Variants in SPEG observed in about 807,000 individuals in gnomAD.
SPEG encodes striated muscle enriched protein kinase.
SPEG carries 114 observed loss-of-function variants against 300.4 expected under a neutral mutation model. The ratio of observed to expected loss-of-function variants is 0.38; its 90% confidence interval spans 0.33 to 0.44. SPEG has a LOEUF of 0.44. Ranked by LOEUF, SPEG falls within the 20% of genes least tolerant of loss-of-function variation. The pLI, the probability that SPEG is intolerant of heterozygous loss-of-function variation, is 1.00. For missense variants in SPEG, 4,201 were observed against 4,586.2 expected (o/e 0.92, Z 2.43); for synonymous variants, 1,964 against 2,018.9 (o/e 0.97, Z 0.73).
rs1266667074 is a variant in SPEG at position 219,464,004 on chromosome 2, C to G, written c.2706-429C>G. ...GGGCATGGTGGCGTGTGCCTGTAGT[C>G]CCAGCTACTCAGGAGGCTGAGATGG... On this transcript the variant is annotated intron_variant, in intron 8 of 40. Coordinates refer to ENST00000312358, the MANE Select transcript of SPEG (RefSeq NM_005876.5). The surrounding 1 kb of genome is among the most constrained non-coding windows in gnomAD (Gnocchi z 4.5). Among the ~76,000 whole-genome samples, 2 of 151,864 alleles carry G rather than the reference C, an allele frequency of 1.3e-5. No individual in the cohort carries two copies. The highest frequency in any genetic ancestry group is 4.8e-5 in the African/African-American group (2 of 41,338).
chr2:219,471,372 G>A (rs1488441483), intron 13 of SPEG, among the ~76,000 whole-genome samples: 1 of 152,174 alleles, frequency 6.6e-6, no homozygotes, highest in Non-Finnish European at 1.5e-5. Flanking sequence ...GGGAGTTTGG[G>A]TTGAGGGCTT....
At chr2:219,447,462 C>G (rs1301914050) in intron 3 of SPEG, among the ~76,000 whole-genome samples, 1 of 152,026 alleles carries the variant, frequency 6.6e-6, no homozygotes, top group Non-Finnish European at 1.5e-5. Flanking sequence ...GTGCCTGGTC[C>G]AGGAGGCTGT....
At chr2:219,482,133 T>G in intron 28 of SPEG, 1 of 212,182 alleles carries the variant, frequency 4.7e-6, no homozygotes, top group Non-Finnish European at 9.6e-6. Context: ...CAAACCCCAG[T>G]GCCTCAGGGC....
At position 219,492,917 on chromosome 2, in the gene SPEG, C is replaced by A; in HGVS notation, c.*131C>A. On this transcript the variant is annotated 3_prime_UTR_variant, in exon 41 of 41. Coordinates refer to ENST00000312358, the MANE Select transcript of SPEG (RefSeq NM_005876.5). ...CCACCAGCAGCAACATCTGGCTGGG[C>A]TCTTACCTCATAGACCTTCAAGGAC... 1.0e-6 allele frequency: 1 copy of A among 971,246 alleles called. No homozygotes were observed. Among genetic ancestry groups the A allele is most frequent in the Non-Finnish European group, 1.6e-6 (1 of 632,494 alleles). The allele number at this position is 971,246 out of a possible 1,614,324, so 60.2% of individuals were successfully genotyped here.
intron 9 of SPEG, chr2:219,465,598 T>A (rs1297004908): frequency 2.3e-5 from 5 of 213,034 alleles, no homozygotes; most frequent in Non-Finnish European, 4.7e-5. Context: ...ACCCCCAGGC[T>A]TTGGGGTGCT....
At chr2:219,446,705 C>G (rs1034167330) in intron 3 of SPEG, among the ~76,000 whole-genome samples, 7 of 152,114 alleles carry the variant, frequency 4.6e-5, no homozygotes, top group Non-Finnish European at 7.3e-5. Context: ...GCTCAGGATT[C>G]TGACTGCCTG....
chr2:219,448,946 C>A lies in SPEG; in HGVS notation c.1788C>A (p.Phe596Leu). ...AGGAGGTTAGGCGTCGGGACCAATT[C>A]CCGCTGACCCGGAGCAGAGCCATCC... ...PQQEVRRRDQFPLTRSRAIQE... is the reference protein window; with the variant it reads ...PQQEVRRRDQLPLTRSRAIQE... The change falls in exon 4 of 41, where the codon TTC (phenylalanine) becomes TTA (leucine). Residue 596 changes from phenylalanine (F) to leucine (L), a missense_variant. Around this residue, in one of 4 missense-constraint regions of SPEG, gnomAD observed 1,258 missense variants for 1,293.9 expected, o/e 0.97. Coordinates refer to ENST00000312358, the MANE Select transcript of SPEG (RefSeq NM_005876.5). The A allele has an allele frequency of 6.7e-7, 1 of 1,502,500 alleles. No individual in the cohort carries two copies. The highest frequency in any genetic ancestry group is 8.9e-7 in the Non-Finnish European group (1 of 1,129,800). 93.1% of individuals were successfully genotyped at this position (1,502,500 alleles called of 1,614,324 possible).
At position 219,473,061 on chromosome 2, in the gene SPEG, C is replaced by T. The variant is rs546236369; in HGVS notation, c.4112C>T (p.Ser1371Leu). The T allele has an allele frequency of 1.2e-6, 2 of 1,613,942 alleles. No individual in the cohort carries two copies. The highest frequency in any genetic ancestry group is 1.7e-5 in the Admixed American group (1 of 60,022). ...STTVKSSSKP[S>L]PPSEPVQLLE... ...ACTGTCAAGAGCAGCAGCAAGCCCT[C>T]ACCCCCTTCTGAGCCTGTGCAGCTG... The change falls in exon 16 of 41, where the codon TCA (serine) becomes TTA (leucine). Residue 1371 changes from serine (S) to leucine (L), a missense_variant. Transcript: ENST00000312358. This position sits in a 1 kb window ranked among gnomAD's most constrained non-coding sequence, Gnocchi z 4.6.
chr2:219,485,639 G>C (rs943727301), intron 31 of SPEG, among the ~76,000 whole-genome samples, 162 bp downstream of exon 31: 1 of 152,224 alleles, frequency 6.6e-6, no homozygotes, highest in Admixed American at 6.5e-5. Context: ...ACATTCATTA[G>C]ATAAGCTGAG....
In SPEG at chr2:219,444,089, C is replaced by T. The variant is rs377666120; in HGVS notation, c.389-564C>T. The T allele has an allele frequency of 4.4e-6, 6 of 1,356,372 alleles. No individual in the cohort carries two copies. Among genetic ancestry groups the T allele is most frequent in the East Asian group, 4.6e-5 (1 of 21,580 alleles). The allele number at this position is 1,356,372 out of a possible 1,614,324, so 84.0% of individuals were successfully genotyped here. A position where few individuals can be genotyped will look rare whatever the true frequency, so the allele number is the denominator to read the frequency against. On this transcript the variant is annotated intron_variant, in intron 1 of 40. Coordinates refer to ENST00000312358, the MANE Select transcript of SPEG (RefSeq NM_005876.5). This position sits in a 1 kb window ranked among gnomAD's most constrained non-coding sequence, Gnocchi z 7.8. The stretch of plus-strand genomic sequence containing the variant: ...GAAACTGGCTCCTGCTCTAGCCCCC[C>T]GCATCCCCCCCTTTCCCACCCGGCC...
Position 219,480,753 on chromosome 2 carries a change from T to C in SPEG, c.5369+56T>C. The C allele has an allele frequency of 6.4e-7, 1 of 1,556,202 alleles. No individual in the cohort carries two copies. The highest frequency in any genetic ancestry group is 8.9e-7 in the Non-Finnish European group (1 of 1,127,506). On this transcript the variant is annotated intron_variant, in intron 26 of 40. Coordinates refer to ENST00000312358, the MANE Select transcript of SPEG (RefSeq NM_005876.5). This position sits in a 1 kb window ranked among gnomAD's most constrained non-coding sequence, Gnocchi z 5.3. Reference sequence around the variant, plus strand: ...CTCCTGGCAGGTCTACCCCTAACCTTTGCAGGGCTGCAGCCCACCCCCTTC... The same window carrying C: ...CTCCTGGCAGGTCTACCCCTAACCTCTGCAGGGCTGCAGCCCACCCCCTTC...
At position 219,485,027 on chromosome 2, in the gene SPEG, G is replaced by T. The variant is rs573748230; in HGVS notation, c.7564G>T (p.Ala2522Ser). The T allele has an allele frequency of 7.1e-5, 109 of 1,531,938 alleles. No homozygotes were observed. Among genetic ancestry groups the T allele is most frequent in the Non-Finnish European group, 9.3e-5 (107 of 1,145,674 alleles). The allele number at this position is 1,531,938 out of a possible 1,614,324, so 94.9% of individuals were successfully genotyped here. ...AAQAGATTPS[A>S]ESLGSEASAT... Reference sequence around the variant, plus strand: ...CCAGGCCGGCGCCACCACGCCTTCCGCCGAGTCCCTGGGCTCCGAGGCCAG... The same window carrying T: ...CCAGGCCGGCGCCACCACGCCTTCCTCCGAGTCCCTGGGCTCCGAGGCCAG... The change falls in exon 30 of 41, where the codon GCC becomes TCC. Residue 2522 changes from alanine (A) to serine (S), a missense_variant. By Grantham distance (99) the Ala-to-Ser change is moderately conservative. Around this residue, in one of 4 missense-constraint regions of SPEG, gnomAD observed 1,578 missense variants for 1,506.0 expected, o/e 1.05. Transcript: ENST00000312358.
In SPEG at chr2:219,435,273, G is replaced by GGGC. The variant is rs1468716079; in HGVS notation, c.298_300dup (p.Ala100dup). On this transcript the variant is annotated inframe_insertion, in exon 1 of 41. Transcript: ENST00000312358. ...AGCTGCCTGTGGCTGCGGCGCTGCG[G>GGGC]GGCGCAGGACGCCGGCGTGTACAGC... The GGGC allele has an allele frequency of 6.7e-7, 1 of 1,496,486 alleles. No homozygotes were observed. The highest frequency in any genetic ancestry group is 1.5e-5 in the African/African-American group (1 of 68,602). The allele number at this position is 1,496,486 out of a possible 1,614,324, so 92.7% of individuals were successfully genotyped here.
intron 15 of SPEG, 39 bp downstream of exon 15, chr2:219,472,370 G>T (rs1213498263): frequency 6.4e-7 from 1 of 1,563,416 alleles, no homozygotes; most frequent in East Asian, 2.3e-5. Context: ...TGGGGAAGGG[G>T]TGTGGAGAAG....
rs1037580777 is a variant in SPEG at position 219,448,527 on chromosome 2, C to A, written c.1369C>A (p.Leu457Met). Residue 457 changes from leucine (L) to methionine (M), a missense_variant, in exon 4 of 41, where the codon CTG becomes ATG. This residue lies in a region of SPEG where 1,258 missense variants were observed against 1,293.9 expected (regional missense o/e 0.97). Coordinates refer to ENST00000312358, the MANE Select transcript of SPEG (RefSeq NM_005876.5). ...WGTPGASQEE[L>M]RAPGSVAERR... is the part of the protein sequence containing the mutation. ...CACCCCCGGGGCCTCGCAGGAAGAA[C>A]TGCGGGCGCCAGGCAGCGTGGCCGA... 6.9e-7 allele frequency: 1 copy of A among 1,443,778 alleles called. No homozygotes were observed. The highest frequency in any genetic ancestry group is 2.8e-5 in the Admixed American group (1 of 35,348). The allele number at this position is 1,443,778 out of a possible 1,614,324, so 89.4% of individuals were successfully genotyped here. A position where few individuals can be genotyped will look rare whatever the true frequency, so the allele number is the denominator to read the frequency against.
rs1488659595 is a variant in SPEG, at chr2:219,472,210, C to T, written c.3836-17C>T. The T allele has an allele frequency of 1.2e-5, 19 of 1,611,468 alleles. No individual in the cohort carries two copies. The highest frequency in any genetic ancestry group is 1.4e-5 in the Non-Finnish European group (17 of 1,178,436). On this transcript the variant is annotated splice_polypyrimidine_tract_variant and intron_variant, in intron 14 of 40. Coordinates refer to ENST00000312358, the MANE Select transcript of SPEG (RefSeq NM_005876.5). Reference sequence around the variant, plus strand: ...TGGGCCCTTGGACCCAGCAGACATTCGAACTGCGGCTTTCAGATGTGGTCC... The same window carrying T: ...TGGGCCCTTGGACCCAGCAGACATTTGAACTGCGGCTTTCAGATGTGGTCC...
rs375540188 is a variant in SPEG, at chr2:219,463,585, G to A, written c.2706-848G>A. On this transcript the variant is annotated intron_variant, in intron 8 of 40. Coordinates refer to ENST00000312358, the MANE Select transcript of SPEG (RefSeq NM_005876.5). The stretch of plus-strand genomic sequence containing the variant: ...TGTGCCACCACACCCAGCTAATTTT[G>A]TATTTTTTGTAGAGGCAGGGTTTCT... Among the ~76,000 whole-genome samples the A allele has an allele frequency of 3.3e-5, 5 of 151,196 alleles. No individual in the cohort carries two copies. In the East Asian group the frequency reaches 9.8e-4, roughly 30 times the overall value.
In SPEG at chr2:219,477,294, C is replaced by A; in HGVS notation, c.4578C>A (p.Thr1526=). 1 of 1,612,012 alleles carries A rather than the reference C, an allele frequency of 6.2e-7. No homozygotes were observed. The highest frequency in any genetic ancestry group is 8.5e-7 in the Non-Finnish European group (1 of 1,179,546). Residue 1526 remains threonine (T), a synonymous_variant, in exon 20 of 41, where the codon ACC becomes ACA. Transcript: ENST00000312358. This position sits in a 1 kb window ranked among gnomAD's most constrained non-coding sequence, Gnocchi z 6.4. ...IMWYKDEVLL[T]ESSHVSFVYE... The stretch of plus-strand genomic sequence containing the variant: ...CTCTGCAGGACGAGGTGCTGCTGAC[C>A]GAGAGCAGCCATGTGAGCTTCGTGT...
In SPEG at chr2:219,448,467, G is replaced by A. The variant is rs1317752089; in HGVS notation, c.1309G>A (p.Glu437Lys). The A allele has an allele frequency of 4.7e-6, 7 of 1,499,208 alleles. No individual in the cohort carries two copies. Among genetic ancestry groups the A allele is most frequent in the Non-Finnish European group, 6.2e-6 (7 of 1,133,730 alleles). The allele number at this position is 1,499,208 out of a possible 1,614,324, so 92.9% of individuals were successfully genotyped here. Reference sequence around the variant, plus strand: ...GCCCCTGCGCAAGGCCCGCTCTCTGGAGCAGCCCAAGTCGGAGCGCGGCGC... The same window carrying A: ...GCCCCTGCGCAAGGCCCGCTCTCTGAAGCAGCCCAAGTCGGAGCGCGGCGC... ...WVPLRKARSL[E>K]QPKSERGAPW... The change falls in exon 4 of 41, where the codon GAG becomes AAG. Residue 437 changes from glutamate (E) to lysine (K), a missense_variant. This residue lies in a region of SPEG where 1,258 missense variants were observed against 1,293.9 expected (regional missense o/e 0.97). Coordinates refer to ENST00000312358, the MANE Select transcript of SPEG (RefSeq NM_005876.5).
Sources: allele counts gnomAD v4.1 joint callset (sites outside exome capture counted in the v4.1 genomes callset), GRCh38; gene constraint gnomAD v4.1.1; regional missense constraint gnomAD v4.1.1; non-coding constraint Gnocchi (gnomAD v3.1); transcripts MANE v1.5; gene names NCBI Gene and HGNC (gene_info 2026-07-23, HGNC 2026-07-21).